The following GTF3C3 variants were observed in gnomAD, a reference collection of about 807,000 sequenced individuals.
The protein encoded by GTF3C3 is general transcription factor IIIC subunit 3.
GTF3C3 carries 75 observed loss-of-function variants against 105.2 expected under a neutral mutation model. That is an observed-to-expected ratio of 0.71 (90% CI 0.59 to 0.86). The LOEUF (loss-of-function observed/expected upper bound fraction) is 0.86. Among genes scored for constraint, GTF3C3 ranks in the 40% least tolerant of loss-of-function variants. The pLI, the probability that GTF3C3 is intolerant of heterozygous loss-of-function variation, is 0.00. For synonymous variants in GTF3C3, 335 were observed against 370.4 expected, an observed-to-expected ratio of 0.90 and a Z score of 1.10; for missense variants, 856 against 1,076.5, an observed-to-expected ratio of 0.80 and a Z score of 2.87.
intron 13 of GTF3C3, among the ~76,000 whole-genome samples, chr2:196,774,017 A>G (rs1699222157): frequency 1.3e-5 from 2 of 152,238 alleles, no homozygotes; most frequent in Non-Finnish European, 1.5e-5. Context: ...ATGTTTGCTC[A>G]GCAAAATACT....
intron 5 of GTF3C3, among the ~76,000 whole-genome samples, 182 bp downstream of exon 5, chr2:196,789,697 A>G (rs533286821): frequency 6.6e-6 from 1 of 152,290 alleles, no homozygotes; most frequent in South Asian, 2.1e-4. Flanking sequence ...ATCTCACAAC[A>G]TTCAAAAAGT....
intron 10 of GTF3C3, 68 bp downstream of exon 10, chr2:196,778,828 A>C (rs1346579562): frequency 7.3e-7 from 1 of 1,361,918 alleles, no homozygotes; most frequent in East Asian, 2.3e-5. Flanking sequence ...AATTATTACC[A>C]TCTTGGGAAA....
intron 2 of GTF3C3, among the ~76,000 whole-genome samples, chr2:196,793,563 C>A (rs904074701): frequency 6.6e-6 from 1 of 152,150 alleles, no homozygotes; most frequent in African/African-American, 2.4e-5. Context: ...ACTTCATCTC[C>A]ATCTATCACT....
At chr2:196,777,803 A>C (rs1419571647) in intron 10 of GTF3C3, 2 of 152,204 alleles carry the variant, frequency 1.3e-5, no homozygotes, top group Non-Finnish European at 2.9e-5. Context: ...CTCAAAATGG[A>C]AACAGCATTG....
At chr2:196,770,682 T>A (rs1042112689) in intron 15 of GTF3C3, among the ~76,000 whole-genome samples, 14 of 152,200 alleles carry the variant, frequency 9.2e-5, no homozygotes, top group African/African-American at 3.4e-4. Context: ...CATAAAGGAA[T>A]AACATATAAT....
At chr2:196,765,610 A>G (rs1699047659) in intron 17 of GTF3C3, among the ~76,000 whole-genome samples, 1 of 150,052 alleles carries the variant, frequency 6.7e-6, no homozygotes, top group Non-Finnish European at 1.5e-5. Flanking sequence ...AATAATATGT[A>G]TGAAATACAT....
intron 15 of GTF3C3, 121 bp from the exon 16 acceptor site, chr2:196,770,160 T>C: frequency 1.3e-6 from 1 of 769,356 alleles, no homozygotes; most frequent in Non-Finnish European, 1.9e-6. Context: ...CTATCTTAAA[T>C]AGCAACCAGA....
At chr2:196,782,621 A>G (rs1286788183) in intron 8 of GTF3C3, among the ~76,000 whole-genome samples, 1 of 151,140 alleles carries the variant, frequency 6.6e-6, no homozygotes, top group Admixed American at 6.6e-5. Context: ...AGGCAGGTGC[A>G]AACAAAAAAA....
At chr2:196,769,864 T>C (rs1699141422) in intron 16 of GTF3C3, 51 bp downstream of exon 16, 2 of 1,473,408 alleles carry the variant, frequency 1.4e-6, no homozygotes, top group Non-Finnish European at 1.9e-6. Context: ...ATTAAGTATA[T>C]TCATTTTTAA....
intron 17 of GTF3C3, among the ~76,000 whole-genome samples, chr2:196,765,581 A>G (rs895753296): frequency 6.7e-6 from 1 of 150,008 alleles, no homozygotes; most frequent in African/African-American, 2.4e-5. Flanking sequence ...CTATTTTTAT[A>G]TATACATATG....
At chr2:196,782,072 G>A (rs967606868) in intron 8 of GTF3C3, among the ~76,000 whole-genome samples, 1 of 152,180 alleles carries the variant, frequency 6.6e-6, no homozygotes, top group African/African-American at 2.4e-5. Flanking sequence ...AAATGTTGGT[G>A]TCCCACCAAA....
intron 8 of GTF3C3, among the ~76,000 whole-genome samples, chr2:196,781,353 AAAAAATATATAT>A (rs1699349937): frequency 8.6e-5 from 2 of 23,144 alleles, no homozygotes; most frequent in Admixed American, 8.9e-4. Flanking sequence ...AAAAAAAAAA[AAAAAATATATAT>A]ATATATATAT....
chr2:196,796,502 CT>C (rs1699648019), intron 2 of GTF3C3, among the ~76,000 whole-genome samples: 1 of 152,152 alleles, frequency 6.6e-6, no homozygotes, highest in Non-Finnish European at 1.5e-5. Flanking sequence ...AGTCAGCTGC[CT>C]TTTTTTCTTC....
intron 17 of GTF3C3, among the ~76,000 whole-genome samples, chr2:196,765,824 C>G (rs995728110): frequency 6.6e-6 from 1 of 151,480 alleles, no homozygotes; most frequent in Non-Finnish European, 1.5e-5. Context: ...TCCTGGTTAA[C>G]ATGGTGAAAC....
chr2:196,781,357 A>ATATCTATATATAT (rs1553578902), intron 8 of GTF3C3, among the ~76,000 whole-genome samples: 1 of 18,812 alleles, frequency 5.3e-5, no homozygotes, highest in Non-Finnish European at 1.5e-4. Context: ...AAAAAAAAAA[A>ATATCTATATATAT]ATATATATAT....
At chr2:196,793,591 G>A (rs1305510785) in intron 2 of GTF3C3, among the ~76,000 whole-genome samples, 1 of 152,140 alleles carries the variant, frequency 6.6e-6, no homozygotes, top group Non-Finnish European at 1.5e-5. Context: ...CAACCTAGGG[G>A]AAATTACTAA....
At chr2:196,792,372 G>A (rs923938655) in intron 3 of GTF3C3, among the ~76,000 whole-genome samples, 1 of 152,046 alleles carries the variant, frequency 6.6e-6, no homozygotes, top group Non-Finnish European at 1.5e-5. Context: ...TGTTGCTCAG[G>A]CTGGTCTCCA....
chr2:196,764,734 G>A (rs756047439), intron 17 of GTF3C3, 49 bp from the exon 18 acceptor site: 38 of 1,528,976 alleles, frequency 2.5e-5, no homozygotes, highest in African/African-American at 4.1e-5. Context: ...ACTGTCAACC[G>A]GGACAATTTT....
At chr2:196,790,107 G>T in intron 4 of GTF3C3, 37 bp from the exon 5 acceptor site, 1 of 1,419,692 alleles carries the variant, frequency 7.0e-7, no homozygotes, top group Non-Finnish European at 9.6e-7. Flanking sequence ...CATTGGCTGA[G>T]AGAAGAGGCT....
Sources: allele counts gnomAD v4.1 joint callset (sites outside exome capture counted in the v4.1 genomes callset), GRCh38; gene constraint gnomAD v4.1.1; transcripts MANE v1.5; gene names NCBI Gene and HGNC (gene_info 2026-07-23, HGNC 2026-07-21).